Variants in RAB5A observed in about 807,000 individuals in gnomAD.
The protein encoded by RAB5A is ras-related protein Rab-5A.
Under a neutral mutation model 25.7 loss-of-function variants are expected in RAB5A, and 8 were observed. That is an observed-to-expected ratio of 0.31 (90% CI 0.18 to 0.56). RAB5A has a LOEUF of 0.56. RAB5A is among the 20% of genes least tolerant of loss of function. The pLI, the probability that RAB5A is intolerant of heterozygous loss-of-function variation, is 0.91. For synonymous variants in RAB5A, 98 were observed against 89.8 expected (o/e 1.09, Z -0.52); for missense variants, 192 against 259.7 (o/e 0.74, Z 1.79).
At position 19,983,583 on chromosome 3, in the gene RAB5A, T is replaced by G. The variant is rs1215340141; in HGVS notation, c.533-125T>G. 4 of 679,372 alleles carry G rather than the reference T, an allele frequency of 5.9e-6. No homozygotes were observed. In the East Asian group the frequency reaches 1.1e-4, roughly 19 times the overall value. 42.1% of individuals were successfully genotyped at this position (679,372 alleles called of 1,614,324 possible). A position where few individuals can be genotyped will look rare whatever the true frequency, so the allele number is the denominator to read the frequency against. On this transcript the variant is annotated intron_variant, in intron 5 of 5. Coordinates refer to ENST00000273047, the MANE Select transcript of RAB5A (RefSeq NM_004162.5). Reference sequence around the variant, plus strand: ...ATACTCAGTAAACATTTGAAAAGAATGAACATATGGTTATATGATACTTTG... The same window carrying G: ...ATACTCAGTAAACATTTGAAAAGAAGGAACATATGGTTATATGATACTTTG...
At chr3:19,971,854 A>G (rs1286517423) in intron 2 of RAB5A, among the ~76,000 whole-genome samples, 2 of 152,096 alleles carry the variant, frequency 1.3e-5, no homozygotes, top group Non-Finnish European at 2.9e-5. Context: ...ACCTTGTGAA[A>G]TATCTATTTT....
chr3:19,980,570 C>A (rs1004647993), intron 5 of RAB5A, among the ~76,000 whole-genome samples: 7 of 151,988 alleles, frequency 4.6e-5, no homozygotes, highest in Admixed American at 2.0e-4. Flanking sequence ...TCTAGTTTAC[C>A]TCCTTCATCC....
At chr3:19,976,199 G>C (rs754126167) in intron 4 of RAB5A, 30 bp downstream of exon 4, 5 of 1,589,290 alleles carry the variant, frequency 3.1e-6, no homozygotes, top group Non-Finnish European at 4.3e-6. Flanking sequence ...CATTTGAAAG[G>C]CACTTTTTTC....
intron 2 of RAB5A, among the ~76,000 whole-genome samples, chr3:19,962,166 G>A (rs557912247): frequency 6.6e-6 from 1 of 152,194 alleles, no homozygotes; most frequent in Non-Finnish European, 1.5e-5. Flanking sequence ...TAGATAGATA[G>A]CATCTGTTCT....
chr3:19,972,021 T>TC (rs773536420), intron 2 of RAB5A, among the ~76,000 whole-genome samples: 9 of 152,228 alleles, frequency 5.9e-5, no homozygotes, highest in Non-Finnish European at 1.2e-4. Flanking sequence ...AGAGAGGAGC[T>TC]ACTACAAGTT....
chr3:19,955,565 G>A (rs959085233), intron 2 of RAB5A, among the ~76,000 whole-genome samples: 1 of 152,018 alleles, frequency 6.6e-6, no homozygotes, highest in Non-Finnish European at 1.5e-5. Context: ...AATAATTGGG[G>A]GGTTTTTTTG....
intron 1 of RAB5A, 103 bp from the exon 2 acceptor site, chr3:19,950,703 T>G: frequency 2.0e-6 from 1 of 510,264 alleles, no homozygotes; most frequent in Non-Finnish European, 3.4e-6. Flanking sequence ...ATTGAAGGTC[T>G]AGTAGAGTTT....
At chr3:19,981,047 A>C (rs1217911436) in intron 5 of RAB5A, among the ~76,000 whole-genome samples, 1 of 152,234 alleles carries the variant, frequency 6.6e-6, no homozygotes, top group African/African-American at 2.4e-5. Context: ...GTCTTACCAT[A>C]GTGGTCTGTC....
chr3:19,964,593 C>CT (rs1696634820), intron 2 of RAB5A, among the ~76,000 whole-genome samples: 1 of 152,158 alleles, frequency 6.6e-6, no homozygotes, highest in African/African-American at 2.4e-5. Context: ...GGGGCACTAA[C>CT]TTAATACTAA....
chr3:19,984,173 GA>G lies in RAB5A; in HGVS notation c.*359del. ...CCACACTGGTACAGTAGTCACCTGT[GA>G]AAAAAAAATTGGAACTTACTAATTT... On this transcript the variant is annotated 3_prime_UTR_variant, in exon 6 of 6. Transcript: ENST00000273047. 8 of 394,874 alleles carry G rather than the reference GA, an allele frequency of 2.0e-5. No individual in the cohort carries two copies. The East Asian group carries it at 2.3e-4, about 11-fold the overall frequency. The allele number at this position is 394,874 out of a possible 1,614,324, so 24.5% of individuals were successfully genotyped here. A position where few individuals can be genotyped will look rare whatever the true frequency, so the allele number is the denominator to read the frequency against.
intron 1 of RAB5A, among the ~76,000 whole-genome samples, chr3:19,949,156 G>A (rs189007076): frequency 6.6e-6 from 1 of 152,258 alleles, no homozygotes; most frequent in Non-Finnish European, 1.5e-5. Flanking sequence ...GGAGGAGGGG[G>A]CATTTTTATT....
intron 5 of RAB5A, among the ~76,000 whole-genome samples, chr3:19,981,876 G>A (rs61255313): frequency 0.026 from 3,978 of 152,190 alleles, 162 homozygotes; most frequent in African/African-American, 0.09. Flanking sequence ...TTGGAGATGA[G>A]GTCTTCAGGA....
rs566631270 is a variant in RAB5A at position 19,974,826 on chromosome 3, G to C, written c.164-775G>C. 2.9e-4 allele frequency among the ~76,000 whole-genome samples: 44 copies of C among 152,274 alleles called. No homozygotes were observed. The South Asian group carries it at 7.9e-3, about 27-fold the overall frequency. Reference sequence around the variant, plus strand: ...CAATAAAAACTAGTAAAATGGAACAGGACATGGTGTCAGCAGTATAGATGG... The same window carrying C: ...CAATAAAAACTAGTAAAATGGAACACGACATGGTGTCAGCAGTATAGATGG... On this transcript the variant is annotated intron_variant, in intron 2 of 5. Transcript: ENST00000273047.
chr3:19,968,857 C>A (rs1278558014), intron 2 of RAB5A, among the ~76,000 whole-genome samples: 1 of 152,172 alleles, frequency 6.6e-6, no homozygotes, highest in Non-Finnish European at 1.5e-5. Context: ...AAAGTTTGTT[C>A]TACCTACTCT....
chr3:19,951,854 G>A (rs964838353), intron 2 of RAB5A, among the ~76,000 whole-genome samples: 7 of 151,932 alleles, frequency 4.6e-5, no homozygotes, highest in East Asian at 1.9e-4. Context: ...ATGCTCCTAA[G>A]CTGAGGGAAG....
intron 2 of RAB5A, 49 bp downstream of exon 2, chr3:19,951,110 C>T (rs889239494): frequency 1.5e-5 from 24 of 1,578,124 alleles, no homozygotes; most frequent in Non-Finnish European, 2.1e-5. Context: ...CATACATTGA[C>T]AGAAAATATT....
chr3:19,956,732 A>G (rs1054876821), intron 2 of RAB5A, among the ~76,000 whole-genome samples: 6 of 152,214 alleles, frequency 3.9e-5, no homozygotes, highest in African/African-American at 1.2e-4. Context: ...TGAAGTTTTT[A>G]CCACAATGCC....
intron 3 of RAB5A, 43 bp from the exon 4 acceptor site, chr3:19,976,004 A>G (rs1696819406): frequency 1.3e-6 from 2 of 1,583,962 alleles, no homozygotes; most frequent in Non-Finnish European, 1.7e-6. Flanking sequence ...CTTGGTAACC[A>G]TTTTTTGAGC....
intron 1 of RAB5A, 122 bp from the exon 2 acceptor site, chr3:19,950,684 C>G: frequency 2.3e-6 from 1 of 433,754 alleles, no homozygotes; most frequent in Non-Finnish European, 4.1e-6. Context: ...GTGACATAAT[C>G]TAAAGGGCAT....
Sources: allele counts gnomAD v4.1 joint callset (sites outside exome capture counted in the v4.1 genomes callset), GRCh38; gene constraint gnomAD v4.1.1; transcripts MANE v1.5; gene names NCBI Gene and HGNC (gene_info 2026-07-23, HGNC 2026-07-21).